Variants in IL23R observed in about 807,000 individuals in gnomAD.
IL23R encodes the protein interleukin 23 receptor.
In IL23R, 34 loss-of-function variants were observed where a neutral mutation model predicts 56.9. The ratio of observed to expected loss-of-function variants is 0.60; its 90% confidence interval spans 0.45 to 0.80. The LOEUF (loss-of-function observed/expected upper bound fraction) is 0.80. Among genes scored for constraint, IL23R ranks in the 30% least tolerant of loss-of-function variants. The pLI, the probability that IL23R is intolerant of heterozygous loss-of-function variation, is 0.00. For missense variants in IL23R, 635 were observed against 730.0 expected (o/e 0.87, Z 1.50); for synonymous variants, 230 against 249.2 (o/e 0.92, Z 0.73).
At chr1:67,144,443 A>G (rs922084118) in intron 1 of IL23R, among the ~76,000 whole-genome samples, 1 of 152,334 alleles carries the variant, frequency 6.6e-6, no homozygotes, top group Middle Eastern at 3.4e-3. Context: ...ATTAATGCTG[A>G]TAACTATAAT....
At chr1:67,156,859 T>A (rs1025099980) in intron 1 of IL23R, among the ~76,000 whole-genome samples, 7 of 151,838 alleles carry the variant, frequency 4.6e-5, no homozygotes, top group Non-Finnish European at 7.4e-5. Flanking sequence ...ACTGCTGGAG[T>A]ATGAACAAAC....
At chr1:67,223,240 C>T (rs1355803340) in intron 7 of IL23R, among the ~76,000 whole-genome samples, 3 of 151,442 alleles carry the variant, frequency 2.0e-5, no homozygotes, top group Non-Finnish European at 4.4e-5. Flanking sequence ...GGTGACAGAG[C>T]GAGACTCTGT....
intron 6 of IL23R, chr1:67,207,656 G>T (rs1376633977): frequency 2.5e-6 from 1 of 394,436 alleles, no homozygotes; most frequent in South Asian, 2.0e-5. Flanking sequence ...AGAGCCTTTT[G>T]CCTCCCACCA....
chr1:67,148,348 A>AG (rs1360433871), intron 1 of IL23R, among the ~76,000 whole-genome samples: 2 of 152,224 alleles, frequency 1.3e-5, no homozygotes, highest in Non-Finnish European at 2.9e-5. Flanking sequence ...ATAGAAGGGG[A>AG]GGGGACCCAA....
chr1:67,219,236 T>G (rs1027128955), intron 6 of IL23R, among the ~76,000 whole-genome samples: 66 of 152,138 alleles, frequency 4.3e-4, no homozygotes, highest in Non-Finnish European at 8.1e-4. Context: ...GGTGTTGTAG[T>G]GCATGACTGT....
chr1:67,144,918 C>T (rs1285432600), intron 1 of IL23R, among the ~76,000 whole-genome samples: 1 of 152,180 alleles, frequency 6.6e-6, no homozygotes, highest in Non-Finnish European at 1.5e-5. Flanking sequence ...CCAAACATCT[C>T]CACTGGGGGT....
chr1:67,228,109 TC>T (rs1473620527), intron 7 of IL23R, among the ~76,000 whole-genome samples: 746 of 50,646 alleles, frequency 0.015, 20 homozygotes, highest in Admixed American at 0.027. Flanking sequence ...TTTCTTTCTC[TC>T]TCTTTCTTTC....
chr1:67,212,610 A>G (rs1011735694), intron 6 of IL23R, among the ~76,000 whole-genome samples: 4 of 151,362 alleles, frequency 2.6e-5, no homozygotes, highest in Admixed American at 6.6e-5. Context: ...CAGTGGCGCA[A>G]TCTCAGCTCA....
chr1:67,162,265 AC>A, upstream of IL23R, among the ~76,000 whole-genome samples: 5 of 152,088 alleles, frequency 3.3e-5, no homozygotes, highest in African/African-American at 1.2e-4. Context: ...GGAGATTGAG[AC>A]CATCCTGGCT....
At chr1:67,144,172 G>T (rs1000428923) in intron 1 of IL23R, among the ~76,000 whole-genome samples, 1 of 152,028 alleles carries the variant, frequency 6.6e-6, no homozygotes, top group Non-Finnish European at 1.5e-5. Context: ...TTCTTTCAAC[G>T]CTTGGCTTCT....
intron 1 of IL23R, among the ~76,000 whole-genome samples, chr1:67,140,223 A>C (rs1646623636): frequency 6.6e-6 from 1 of 152,242 alleles, no homozygotes. Context: ...TGCATGCAAA[A>C]GCAAAATATT....
chr1:67,263,204 C>T (rs1354749979), downstream of IL23R, among the ~76,000 whole-genome samples: 1 of 150,984 alleles, frequency 6.6e-6, no homozygotes, highest in East Asian at 1.9e-4. Flanking sequence ...AGCAATTCCC[C>T]TATCCCAGCC....
At chr1:67,170,621 C>T (rs1395463150) in intron 3 of IL23R, among the ~76,000 whole-genome samples, 1 of 152,052 alleles carries the variant, frequency 6.6e-6, no homozygotes, top group Non-Finnish European at 1.5e-5. Context: ...TCAATAAGTT[C>T]AGCACTGTTT....
At chr1:67,163,496 A>AAG (rs546553130), upstream of IL23R, among the ~76,000 whole-genome samples, 529 of 142,888 alleles carry the variant, frequency 3.7e-3, 19 homozygotes, top group African/African-American at 0.013. Context: ...AAAAAAAAAA[A>AAG]AAGACAGAAA....
intron 4 of IL23R, among the ~76,000 whole-genome samples, chr1:67,198,565 CTT>C (rs1165228562): frequency 6.6e-6 from 1 of 152,212 alleles, no homozygotes; most frequent in Non-Finnish European, 1.5e-5. Context: ...GATCTTTCCT[CTT>C]TATCTTTTCC....
In IL23R at chr1:67,259,214, T is replaced by G. The variant is rs1653113384; in HGVS notation, c.*86T>G. 1 of 1,320,492 alleles carries G rather than the reference T, an allele frequency of 7.6e-7. No homozygotes were observed. 81.8% of individuals were successfully genotyped at this position (1,320,492 alleles called of 1,614,324 possible). On this transcript the variant is annotated 3_prime_UTR_variant, in exon 11 of 11. Transcript: ENST00000347310. ...TGCAATAGAAATTGAATTCTGCCTC[T>G]TTTTGAAAAAAATGTATTCACATAC...
intron 7 of IL23R, among the ~76,000 whole-genome samples, chr1:67,231,546 G>C (rs1311927027): frequency 2.0e-5 from 3 of 152,096 alleles, no homozygotes; most frequent in Admixed American, 1.3e-4. Context: ...CCATCTAGTA[G>C]AGCCAGGACT....
chr1:67,179,532 T>C (rs1321086426), intron 3 of IL23R, among the ~76,000 whole-genome samples: 10 of 152,138 alleles, frequency 6.6e-5, no homozygotes, highest in Non-Finnish European at 1.0e-4. Flanking sequence ...GTCTTGCTAG[T>C]GGTCTATCAA....
rs147263255 is a variant in IL23R, at chr1:67,211,469, A to G, written c.798+4414A>G. Among the ~76,000 whole-genome samples, 1,272 of 152,256 alleles carry G rather than the reference A, an allele frequency of 8.4e-3. 19 individuals carry two copies. Among genetic ancestry groups the G allele is most frequent in the African/African-American group, 0.029 (1,216 of 41,544 alleles). On this transcript the variant is annotated intron_variant, in intron 6 of 10. Transcript: ENST00000347310. ...AACCCCGTCTCTACTGAAAATACAA[A>G]AAATTTAGCCAAGCCTGGTGGTGTG...
Sources: allele counts gnomAD v4.1 joint callset (sites outside exome capture counted in the v4.1 genomes callset), GRCh38; gene constraint gnomAD v4.1.1; transcripts MANE v1.5; gene names NCBI Gene and HGNC (gene_info 2026-07-23, HGNC 2026-07-21).